RAB3C: variants seen among roughly 807,000 people sequenced by gnomAD.
The protein encoded by RAB3C is ras-related protein Rab-3C.
In RAB3C, 17 loss-of-function variants were observed where a neutral mutation model predicts 26.4. The ratio of observed to expected loss-of-function variants is 0.64; its 90% CI spans 0.44 to 0.97. The LOEUF is 0.97. Ranked by LOEUF, RAB3C falls within the 50% of genes least tolerant of loss-of-function variation. The pLI is 0.00. For synonymous variants in RAB3C, 91 were observed against 95.9 expected (o/e 0.95, Z 0.30); for missense variants, 242 against 281.9 (o/e 0.86, Z 1.01).
chr5:58,666,282 T>C (rs1263379737), intron 2 of RAB3C, among the ~76,000 whole-genome samples: 2 of 152,230 alleles, frequency 1.3e-5, no homozygotes, highest in African/African-American at 2.4e-5. Flanking sequence ...TCAGCTGTGC[T>C]TTATTTGATT....
chr5:58,606,882 G>C (rs1424437826), intron 1 of RAB3C, among the ~76,000 whole-genome samples: 1 of 152,066 alleles, frequency 6.6e-6, no homozygotes, highest in African/African-American at 2.4e-5. Context: ...CAACAAAAAG[G>C]ACATCCACAC....
At chr5:58,635,285 G>A (rs1260772230) in intron 2 of RAB3C, among the ~76,000 whole-genome samples, 1 of 152,208 alleles carries the variant, frequency 6.6e-6, no homozygotes, top group Non-Finnish European at 1.5e-5. Context: ...AAGGAAGACT[G>A]TCTTGTTTTG....
chr5:58,768,175 C>T (rs1010742858), intron 3 of RAB3C, among the ~76,000 whole-genome samples: 3 of 152,110 alleles, frequency 2.0e-5, no homozygotes, highest in African/African-American at 7.2e-5. Context: ...GAAATGCCTA[C>T]AGGATCATGC....
At chr5:58,606,327 T>A (rs182921167) in intron 1 of RAB3C, among the ~76,000 whole-genome samples, 2 of 152,280 alleles carry the variant, frequency 1.3e-5, no homozygotes, top group Admixed American at 1.3e-4. Context: ...ACCTGCAAGG[T>A]GGCAGCCTGA....
In RAB3C at chr5:58,743,400, T is replaced by A. The variant is rs568974164; in HGVS notation, c.371+17280T>A. 1.2e-4 allele frequency among the ~76,000 whole-genome samples: 18 copies of A among 152,222 alleles called. No homozygotes were observed. In the East Asian group the frequency reaches 2.9e-3, roughly 25 times the overall value. On this transcript the variant is annotated intron_variant, in intron 3 of 4. Transcript: ENST00000282878. ...GTGACCCCAGCATCAGGATTTTTTT[T>A]TTATTATTATCATACTTTAAGTTCT... is the stretch of plus-strand genomic sequence containing the variant.
At chr5:58,630,541 A>T (rs562110807) in intron 2 of RAB3C, among the ~76,000 whole-genome samples, 15 of 152,274 alleles carry the variant, frequency 9.9e-5, no homozygotes, top group Non-Finnish European at 2.2e-4. Flanking sequence ...GGCATTTAAA[A>T]AAATCTCATT....
At chr5:58,583,006 C>T, upstream of RAB3C, 1 of 1,383,266 alleles carries the variant, frequency 7.2e-7, no homozygotes, top group Non-Finnish European at 9.4e-7. Flanking sequence ...GAGGGCGAGA[C>T]TACAGCTCCC....
chr5:58,814,359 C>A (rs1019828620), intron 3 of RAB3C, among the ~76,000 whole-genome samples: 1 of 152,128 alleles, frequency 6.6e-6, no homozygotes, highest in Non-Finnish European at 1.5e-5. Flanking sequence ...CAGGCTTTGG[C>A]TGAATGTCTG....
chr5:58,804,066 A>T (rs1742878437), intron 3 of RAB3C, among the ~76,000 whole-genome samples: 1 of 151,612 alleles, frequency 6.6e-6, no homozygotes, highest in South Asian at 2.1e-4. Flanking sequence ...TCTTAAAAAA[A>T]AAAAAAATGA....
intron 2 of RAB3C, among the ~76,000 whole-genome samples, chr5:58,657,684 T>G (rs2111799749): frequency 6.6e-6 from 1 of 152,194 alleles, no homozygotes; most frequent in Middle Eastern, 3.4e-3. Flanking sequence ...GCTGAGAAGG[T>G]CTGATTTTAT....
At chr5:58,728,516 T>G (rs1429592513) in intron 3 of RAB3C, among the ~76,000 whole-genome samples, 8 of 152,076 alleles carry the variant, frequency 5.3e-5, no homozygotes, top group Non-Finnish European at 8.8e-5. Context: ...AGGTGATCCA[T>G]CTTATTGCCA....
At chr5:58,596,737 TA>T (rs1746276078) in intron 1 of RAB3C, among the ~76,000 whole-genome samples, 1 of 82,986 alleles carries the variant, frequency 1.2e-5, no homozygotes, top group Admixed American at 1.9e-4. Context: ...ACATAATATA[TA>T]AATATATAAT....
chr5:58,667,717 C>T (rs1748031085), intron 2 of RAB3C, among the ~76,000 whole-genome samples: 1 of 151,618 alleles, frequency 6.6e-6, no homozygotes, highest in African/African-American at 2.4e-5. Context: ...TGAGATATAT[C>T]GTTCTATTTT....
intron 3 of RAB3C, among the ~76,000 whole-genome samples, chr5:58,812,697 A>G (rs1743119317): frequency 6.6e-6 from 1 of 152,194 alleles, no homozygotes; most frequent in Non-Finnish European, 1.5e-5. Context: ...TTTCTAATTA[A>G]AAGTTTCAAA....
chr5:58,625,636 A>G (rs1484659682), intron 2 of RAB3C, among the ~76,000 whole-genome samples: 4 of 152,106 alleles, frequency 2.6e-5, no homozygotes, highest in Non-Finnish European at 4.4e-5. Flanking sequence ...AGGTGGGTGG[A>G]TCACGAGGTC....
chr5:58,760,654 A>G (rs1231221857), intron 3 of RAB3C, among the ~76,000 whole-genome samples: 3 of 152,234 alleles, frequency 2.0e-5, no homozygotes, highest in Admixed American at 6.5e-5. Flanking sequence ...AGAATATCTT[A>G]TATGATCAGC....
At chr5:58,830,542 C>A (rs1366941355) in intron 4 of RAB3C, among the ~76,000 whole-genome samples, 1 of 152,140 alleles carries the variant, frequency 6.6e-6, no homozygotes, top group African/African-American at 2.4e-5. Context: ...AAGAACCATG[C>A]TCTTGATTTC....
chr5:58,669,719 A>G (rs1248103111), intron 2 of RAB3C, among the ~76,000 whole-genome samples: 1 of 152,186 alleles, frequency 6.6e-6, no homozygotes, highest in African/African-American at 2.4e-5. Context: ...TATTAACTCC[A>G]TAGAGTTAAA....
chr5:58,659,089 C>T (rs867533425), intron 2 of RAB3C, among the ~76,000 whole-genome samples: 81 of 152,062 alleles, frequency 5.3e-4, no homozygotes, highest in Admixed American at 4.6e-4. Context: ...TGGCTATTTT[C>T]GCAATCTACC....
Sources: gnomAD v4.1 joint callset for allele counts (sites outside exome capture counted in the v4.1 genomes callset) on GRCh38, gnomAD v4.1.1 for gene constraint, MANE v1.5 for transcripts, NCBI Gene and HGNC (gene_info 2026-07-23, HGNC 2026-07-21) for gene names.